Variants in GRIN2B observed in about 807,000 individuals in gnomAD.
GRIN2B encodes glutamate ionotropic receptor NMDA type subunit 2B.
GRIN2B carries 5 observed loss-of-function variants against 114.5 expected under a neutral mutation model. The observed-to-expected ratio is 0.04, with a 90% CI of 0.02 to 0.09. The LOEUF is 0.09. GRIN2B is among the 10% of genes least tolerant of loss of function. The pLI is 1.00. For missense variants in GRIN2B, 1,108 were observed against 1,943.5 expected, an observed-to-expected ratio of 0.57 and a Z score of 8.08; for synonymous variants, 787 against 745.1, an observed-to-expected ratio of 1.06 and a Z score of -0.92.
intron 3 of GRIN2B, among the ~76,000 whole-genome samples, chr12:13,797,909 T>C (rs987444262): frequency 1.3e-5 from 2 of 152,238 alleles, no homozygotes; most frequent in African/African-American, 4.8e-5. Context: ...AGTGATATTC[T>C]AGTAATATTT....
At position 13,608,061 on chromosome 12, in the gene GRIN2B, T is replaced by C. The variant is rs569005848; in HGVS notation, c.2010+542A>G. 1.7e-4 allele frequency among the ~76,000 whole-genome samples: 26 copies of C among 152,318 alleles called. No homozygotes were observed. The East Asian group carries it at 4.4e-3, about 26-fold the overall frequency. On this transcript the variant is annotated intron_variant, in intron 10 of 13. Coordinates refer to ENST00000609686, the MANE Select transcript of GRIN2B (RefSeq NM_000834.5). ...TGCAATTAGTAAGGGGGCAGCCCAT[T>C]CATCAGCACCACACAGGGGCAATCA...
intron 4 of GRIN2B, among the ~76,000 whole-genome samples, chr12:13,696,258 T>A (rs1442102538): frequency 1.3e-5 from 2 of 152,128 alleles, no homozygotes; most frequent in African/African-American, 2.4e-5. Flanking sequence ...GGAAACAGCA[T>A]CCCACAAGTA....
rs61525874 is a variant in GRIN2B, at chr12:13,954,811, G to GAAAAAAAAAAAAAA, written c.-19+25103_-19+25116dup. On this transcript the variant is annotated intron_variant, in intron 2 of 13. Coordinates refer to ENST00000609686, the MANE Select transcript of GRIN2B (RefSeq NM_000834.5). ...GTGACAGAGTGAGACTCCGTCTCAGGAAAAAAAAAAAAAAAAAACTTTTTC... is the reference window on the plus strand; with the variant it reads ...GTGACAGAGTGAGACTCCGTCTCAGGAAAAAAAAAAAAAAAAAAAAAAAAAAAAAAAACTTTTTC... 3.4e-3 allele frequency among the ~76,000 whole-genome samples: 87 copies of GAAAAAAAAAAAAAA among 25,520 alleles called. 9 individuals carry two copies. The highest frequency in any genetic ancestry group is 4.4e-3 in the African/African-American group (40 of 9,056). The allele number at this position is 25,520 out of a possible 152,430, so 16.7% of individuals were successfully genotyped here.
intron 5 of GRIN2B, among the ~76,000 whole-genome samples, chr12:13,672,993 C>T (rs1341048325): frequency 6.6e-6 from 1 of 152,100 alleles, no homozygotes; most frequent in Non-Finnish European, 1.5e-5. Flanking sequence ...CTATGAAATA[C>T]GCCCTTACAG....
intron 2 of GRIN2B, among the ~76,000 whole-genome samples, chr12:13,975,722 G>A (rs913204368): frequency 6.6e-6 from 1 of 152,184 alleles, no homozygotes; most frequent in African/African-American, 2.4e-5. Context: ...ATGATTCTAA[G>A]ATGAATAAAA....
intron 3 of GRIN2B, among the ~76,000 whole-genome samples, chr12:13,809,962 A>C (rs1157790970): frequency 6.6e-6 from 1 of 152,106 alleles, no homozygotes; most frequent in Admixed American, 6.6e-5. Flanking sequence ...TGCTCTAGTC[A>C]GGAGATCTTC....
chr12:13,593,447 A>T (rs148058162), intron 10 of GRIN2B, among the ~76,000 whole-genome samples: 2 of 152,382 alleles, frequency 1.3e-5, no homozygotes, highest in East Asian at 3.9e-4. Context: ...CAATGGGGAA[A>T]GGATTCCCTA....
intron 10 of GRIN2B, among the ~76,000 whole-genome samples, chr12:13,578,067 G>A (rs903300361): frequency 2.0e-5 from 3 of 152,132 alleles, no homozygotes; most frequent in Admixed American, 2.0e-4. Flanking sequence ...CAGTAAGCCT[G>A]TTTTTTATTT....
chr12:13,688,106 G>A (rs943076278), intron 4 of GRIN2B, among the ~76,000 whole-genome samples: 2 of 152,158 alleles, frequency 1.3e-5, no homozygotes, highest in Non-Finnish European at 2.9e-5. Flanking sequence ...AGCACTGGGA[G>A]TTGAATCCAT....
rs1948549698 is a variant in GRIN2B, at chr12:13,561,874, C to T, written c.*909G>A. On this transcript the variant is annotated 3_prime_UTR_variant, in exon 14 of 14. Coordinates refer to ENST00000609686, the MANE Select transcript of GRIN2B (RefSeq NM_000834.5). The stretch of plus-strand genomic sequence containing the variant: ...TCAAGAATTTTCATTCTCCTTATTC[C>T]AGAAGGATGAAGGGAGACACAGCCA... 1 of 152,604 alleles carries T rather than the reference C, an allele frequency of 6.6e-6. No individual in the cohort carries two copies. The allele number at this position is 152,604 out of a possible 1,614,324, so 9.5% of individuals were successfully genotyped here.
At chr12:13,627,960 C>T (rs1949585082) in intron 5 of GRIN2B, among the ~76,000 whole-genome samples, 1 of 152,220 alleles carries the variant, frequency 6.6e-6, no homozygotes, top group Non-Finnish European at 1.5e-5. Flanking sequence ...TCCTTTAAGA[C>T]TCCCCACTTA....
chr12:13,746,025 C>CA (rs201084075), intron 4 of GRIN2B, among the ~76,000 whole-genome samples: 1 of 151,344 alleles, frequency 6.6e-6, no homozygotes, highest in Non-Finnish European at 1.5e-5. Flanking sequence ...AGGAGGGAGA[C>CA]AAAAAAAATT....
intron 3 of GRIN2B, among the ~76,000 whole-genome samples, chr12:13,813,214 C>A (rs938987757): frequency 1.3e-5 from 2 of 152,036 alleles, no homozygotes; most frequent in Non-Finnish European, 2.9e-5. Flanking sequence ...GGATTACAGG[C>A]GTGAGCCACC....
Position 13,554,595 on chromosome 12 carries a change from C to A in GRIN2B, c.*8188G>T, listed in dbSNP as rs1948456125. 6.6e-6 allele frequency: 1 copy of A among 152,026 alleles called. No individual in the cohort carries two copies. The highest frequency in any genetic ancestry group is 6.5e-5 in the Admixed American group (1 of 15,270). The allele number at this position is 152,026 out of a possible 1,614,324, so 9.4% of individuals were successfully genotyped here. On this transcript the variant is annotated 3_prime_UTR_variant, in exon 14 of 14. Coordinates refer to ENST00000609686, the MANE Select transcript of GRIN2B (RefSeq NM_000834.5). ...GCTGGCAGACTACGGCAAGTGAAGC[C>A]CACTGAAGGTTGTTTCTTGATCTGA... is the stretch of plus-strand genomic sequence containing the variant.
At chr12:13,682,560 T>C (rs978583652) in intron 4 of GRIN2B, among the ~76,000 whole-genome samples, 7 of 152,218 alleles carry the variant, frequency 4.6e-5, no homozygotes, top group Admixed American at 1.3e-4. Flanking sequence ...TTTGGGCTAG[T>C]TCATATCACA....
At chr12:13,818,300 CA>C (rs1447017537) in intron 3 of GRIN2B, among the ~76,000 whole-genome samples, 2 of 152,166 alleles carry the variant, frequency 1.3e-5, no homozygotes, top group African/African-American at 2.4e-5. Flanking sequence ...ATACTGGAAC[CA>C]AAGGCCATTC....
At position 13,540,213 on chromosome 12, in the gene GRIN2B, GA is replaced by G; in HGVS notation, c.*22569del. The G allele has an allele frequency of 6.6e-6, 1 of 152,060 alleles. No homozygotes were observed. The highest frequency in any genetic ancestry group is 1.9e-4 in the East Asian group (1 of 5,178). 9.4% of individuals were successfully genotyped at this position (152,060 alleles called of 1,614,324 possible). A position where few individuals can be genotyped will look rare whatever the true frequency, so the allele number is the denominator to read the frequency against. On this transcript the variant is annotated 3_prime_UTR_variant, in exon 14 of 14. Coordinates refer to ENST00000609686, the MANE Select transcript of GRIN2B (RefSeq NM_000834.5). ...ACAGTAAAGAAAGCACAAAGACCAA[GA>G]AAAAAACTCTGATTCTGGATTTTTT...
Position 13,543,688 on chromosome 12 carries a change from G to A in GRIN2B, c.*19095C>T, listed in dbSNP as rs535870035. On this transcript the variant is annotated 3_prime_UTR_variant, in exon 14 of 14. Transcript: ENST00000609686. ...CATTTTTGTTCTCACTCTTCCTGCC[G>A]GATGGCTATATGACTCATTCATGCT... is the stretch of plus-strand genomic sequence containing the variant. The A allele has an allele frequency of 1.3e-5, 2 of 151,798 alleles. No individual in the cohort carries two copies. The highest frequency in any genetic ancestry group is 2.9e-5 in the Non-Finnish European group (2 of 68,028). The allele number at this position is 151,798 out of a possible 1,614,324, so 9.4% of individuals were successfully genotyped here.
At chr12:13,940,312 T>C (rs1337162619) in intron 2 of GRIN2B, among the ~76,000 whole-genome samples, 1 of 152,154 alleles carries the variant, frequency 6.6e-6, no homozygotes, top group Non-Finnish European at 1.5e-5. Context: ...TTATGATTTA[T>C]GGAAAAGCAG....
Sources: allele counts gnomAD v4.1 joint callset (sites outside exome capture counted in the v4.1 genomes callset), GRCh38; gene constraint gnomAD v4.1.1; transcripts MANE v1.5; gene names NCBI Gene and HGNC (gene_info 2026-07-23, HGNC 2026-07-21).